ADAMTSL1: variants seen among roughly 807,000 people sequenced by gnomAD.
The protein encoded by ADAMTSL1 is ADAMTS like 1, also known as ADAMTS-like protein 1.
A neutral mutation model predicts 201.8 loss-of-function variants in ADAMTSL1; 126 were observed. That is an observed-to-expected ratio of 0.62 (90% CI 0.54 to 0.72). The LOEUF (loss-of-function observed/expected upper bound fraction) is 0.72. Among genes scored for constraint, ADAMTSL1 ranks in the 30% least tolerant of loss-of-function variants. The pLI is 0.00. For synonymous variants in ADAMTSL1, 1,121 were observed against 903.4 expected (o/e 1.24, Z -4.32); for missense variants, 2,679 against 2,277.8 (o/e 1.18, Z -3.59).
intron 2 of ADAMTSL1, among the ~76,000 whole-genome samples, chr9:18,237,548 A>T (rs1036216936): frequency 6.6e-6 from 1 of 152,212 alleles, no homozygotes; most frequent in Non-Finnish European, 1.5e-5. Flanking sequence ...GCTCACTACT[A>T]TACAAACCTA....
chr9:18,574,174 A>T lies in ADAMTSL1; in HGVS notation c.382A>T (p.Thr128Ser). The change falls in exon 4 of 29, where the codon ACA becomes TCA. Residue 128 changes from threonine (T) to serine (S), a missense_variant. Transcript: ENST00000380548. ...TTCACTCAAGTGCCAAGCCAAAGGA[A>T]CAACCCTGGTTGTTGAACTAGCACC... The part of the protein sequence containing the change: ...PCSLKCQAKG[T>S]TLVVELAPKV... The T allele has an allele frequency of 6.2e-7, 1 of 1,614,186 alleles. No individual in the cohort carries two copies. The highest frequency in any genetic ancestry group is 8.5e-7 in the Non-Finnish European group (1 of 1,180,002).
chr9:18,813,659 T>C (rs1823651768), intron 20 of ADAMTSL1, among the ~76,000 whole-genome samples: 1 of 152,224 alleles, frequency 6.6e-6, no homozygotes, highest in Admixed American at 6.5e-5. Flanking sequence ...TTTTTGTTTG[T>C]TGATTTTAAA....
At chr9:18,828,660 T>TATATATATATATG (rs1554643932) in intron 22 of ADAMTSL1, among the ~76,000 whole-genome samples, 9 of 28,536 alleles carry the variant, frequency 3.2e-4, no homozygotes, top group Non-Finnish European at 4.4e-4. Context: ...GAAAGTATAT[T>TATATATATATATG]TATATATATA....
At chr9:18,655,249 A>AC (rs763750726) in intron 7 of ADAMTSL1, among the ~76,000 whole-genome samples, 1 of 151,720 alleles carries the variant, frequency 6.6e-6, no homozygotes, top group Non-Finnish European at 1.5e-5. Context: ...CTCAACCATA[A>AC]CCCCCCATAC....
At chr9:18,368,374 G>T (rs1051991194) in intron 2 of ADAMTSL1, among the ~76,000 whole-genome samples, 3 of 152,108 alleles carry the variant, frequency 2.0e-5, no homozygotes, top group Non-Finnish European at 4.4e-5. Context: ...GTGGTAACAG[G>T]GCATGCCTTT....
chr9:18,216,770 A>G (rs183565879), intron 2 of ADAMTSL1, among the ~76,000 whole-genome samples: 11 of 150,758 alleles, frequency 7.3e-5, no homozygotes, highest in Admixed American at 6.6e-4. Flanking sequence ...CTGACTCTAG[A>G]CATTACTACC....
chr9:18,219,572 T>C (rs1039079222), intron 2 of ADAMTSL1, among the ~76,000 whole-genome samples: 5 of 152,172 alleles, frequency 3.3e-5, no homozygotes, highest in African/African-American at 1.2e-4. Flanking sequence ...TTTCACCACA[T>C]TGGCCAGGCT....
chr9:18,563,449 C>A (rs1821667301), intron 3 of ADAMTSL1, among the ~76,000 whole-genome samples: 1 of 152,170 alleles, frequency 6.6e-6, no homozygotes, highest in South Asian at 2.1e-4. Flanking sequence ...TGTCTGTTGA[C>A]CCCTGCTGGA....
intron 1 of ADAMTSL1, among the ~76,000 whole-genome samples, chr9:17,964,764 C>A (rs1245595500): frequency 1.3e-5 from 2 of 152,272 alleles, no homozygotes; most frequent in Middle Eastern, 3.4e-3. Flanking sequence ...ACATGTGAAT[C>A]CACAGTGATC....
intron 1 of ADAMTSL1, among the ~76,000 whole-genome samples, chr9:17,926,699 C>T (rs1226784737): frequency 6.6e-6 from 1 of 152,182 alleles, no homozygotes; most frequent in African/African-American, 2.4e-5. Context: ...GTAATGTTAT[C>T]ATGAATCCAG....
intron 23 of ADAMTSL1, among the ~76,000 whole-genome samples, chr9:18,856,436 G>T (rs1044281081): frequency 4.0e-5 from 6 of 149,026 alleles, no homozygotes; most frequent in African/African-American, 1.5e-4. Flanking sequence ...ATGATAAACT[G>T]GTTGTTGCCA....
intron 12 of ADAMTSL1, among the ~76,000 whole-genome samples, chr9:18,682,679 C>A (rs919211797): frequency 6.6e-6 from 1 of 152,006 alleles, no homozygotes; most frequent in African/African-American, 2.4e-5. Context: ...ACTCTTTAAA[C>A]CCCCTTTAAT....
chr9:18,524,877 A>G (rs760089344), intron 2 of ADAMTSL1, among the ~76,000 whole-genome samples: 3 of 152,200 alleles, frequency 2.0e-5, no homozygotes, highest in Non-Finnish European at 4.4e-5. Flanking sequence ...ATCGATGTTC[A>G]TCAGGGATAT....
chr9:18,486,443 C>T (rs1394023125), intron 1 of ADAMTSL1, among the ~76,000 whole-genome samples: 1 of 152,200 alleles, frequency 6.6e-6, no homozygotes, highest in Non-Finnish European at 1.5e-5. Flanking sequence ...GTGGCCCACA[C>T]CTGTAGTCTC....
intron 7 of ADAMTSL1, among the ~76,000 whole-genome samples, chr9:18,656,964 A>C (rs1011972410): frequency 1.3e-5 from 2 of 152,162 alleles, no homozygotes; most frequent in Non-Finnish European, 2.9e-5. Context: ...ATTTCCATTA[A>C]GTACCAGTTT....
At chr9:18,633,256 C>G (rs1056326706) in intron 5 of ADAMTSL1, among the ~76,000 whole-genome samples, 13 of 152,134 alleles carry the variant, frequency 8.5e-5, no homozygotes, top group African/African-American at 2.4e-4. Context: ...CTTTTGCAAA[C>G]TTAAAAAGTC....
chr9:18,474,352 G>A, intron 1 of ADAMTSL1, 57 bp downstream of exon 1: 1 of 1,568,268 alleles, frequency 6.4e-7, no homozygotes, highest in Non-Finnish European at 8.8e-7. Context: ...GGTGCTGTTG[G>A]GGGTGTGTGT....
intron 2 of ADAMTSL1, among the ~76,000 whole-genome samples, chr9:18,422,601 C>T (rs1296865019): frequency 3.3e-5 from 5 of 152,136 alleles, no homozygotes; most frequent in East Asian, 3.9e-4. Context: ...TGCATGCCTC[C>T]GTGTCCTTTT....
chr9:18,719,491 A>G (rs113018266), intron 14 of ADAMTSL1, among the ~76,000 whole-genome samples: 17 of 152,148 alleles, frequency 1.1e-4, no homozygotes, highest in African/African-American at 3.9e-4. Flanking sequence ...CAGTTTCCCA[A>G]GTAGCTGGGA....
Sources: gnomAD v4.1 joint callset for allele counts (sites outside exome capture counted in the v4.1 genomes callset) on GRCh38, gnomAD v4.1.1 for gene constraint, MANE v1.5 for transcripts, NCBI Gene and HGNC (gene_info 2026-07-23, HGNC 2026-07-21) for gene names.